ANGPTL6: variants seen among roughly 807,000 people sequenced by gnomAD.
ANGPTL6 encodes angiopoietin like 6.
A neutral mutation model predicts 47.4 loss-of-function variants in ANGPTL6; 45 were observed. The ratio of observed to expected loss-of-function variants is 0.95; its 90% CI spans 0.75 to 1.22. The LOEUF is 1.22. Among genes scored for constraint, ANGPTL6 ranks in the 50% most tolerant of loss-of-function variants. The pLI is 0.00. For missense variants in ANGPTL6, 698 were observed against 669.4 expected, an observed-to-expected ratio of 1.04 and a Z score of -0.47; for synonymous variants, 290 against 295.9, an observed-to-expected ratio of 0.98 and a Z score of 0.20.
chr19:10,093,316 CT>C (rs773782992), intron 5 of ANGPTL6, 32 bp downstream of exon 5: 20 of 1,596,400 alleles, frequency 1.3e-5, no homozygotes, highest in Admixed American at 5.1e-5. Flanking sequence ...CCCGCCTCCC[CT>C]ATCCTCTCAC....
intron 1 of ANGPTL6, among the ~76,000 whole-genome samples, chr19:10,100,123 C>A (rs1365099011): frequency 6.6e-6 from 1 of 151,452 alleles, no homozygotes; most frequent in African/African-American, 2.4e-5. Context: ...GTGGCGCATG[C>A]CTGTAATCCC....
rs369523058 is a variant in ANGPTL6 at position 10,093,692 on chromosome 19, C to T, written c.951+1G>A. 6.2e-7 allele frequency: 1 copy of T among 1,614,116 alleles called. No individual in the cohort carries two copies. The highest frequency in any genetic ancestry group is 1.3e-5 in the African/African-American group (1 of 74,954). Reference sequence around the variant, plus strand: ...CCCTGCCTCTGCCCACCTGTGCCCACCTTATAGTGCTGCCAGGTAGTGAAG... The same window carrying T: ...CCCTGCCTCTGCCCACCTGTGCCCATCTTATAGTGCTGCCAGGTAGTGAAG... On this transcript the variant is annotated splice_donor_variant, in intron 4 of 5. Coordinates refer to ENST00000253109, the MANE Select transcript of ANGPTL6 (RefSeq NM_031917.3). LOFTEE classifies it high-confidence loss of function.
At chr19:10,096,657 C>G in intron 1 of ANGPTL6, 84 bp from the exon 2 acceptor site, 1 of 1,092,654 alleles carries the variant, frequency 9.2e-7, no homozygotes, top group Non-Finnish European at 1.2e-6. Flanking sequence ...ATGCGCGCGT[C>G]TACACCCGCG....
intron 1 of ANGPTL6, 49 bp from the exon 2 acceptor site, chr19:10,096,622 G>A (rs1393310492): frequency 7.4e-7 from 1 of 1,351,236 alleles, no homozygotes; most frequent in Non-Finnish European, 9.6e-7. Context: ...GGGGCCCAGC[G>A]AGACCCCTCC....
chr19:10,104,678 A>T (rs951336184), upstream of ANGPTL6, among the ~76,000 whole-genome samples: 16 of 152,306 alleles, frequency 1.1e-4, no homozygotes, highest in Non-Finnish European at 2.2e-4. Flanking sequence ...AAAAATTTTT[A>T]AAAAGACACA....
chr19:10,105,277 C>T (rs187464295), upstream of ANGPTL6, among the ~76,000 whole-genome samples: 105 of 152,358 alleles, frequency 6.9e-4, no homozygotes, highest in Non-Finnish European at 1.2e-3. Flanking sequence ...CTCTGGCTTC[C>T]CCATTGGCAG....
chr19:10,096,058 T>C lies in ANGPTL6; in HGVS notation c.506A>G (p.Gln169Arg). The C allele has an allele frequency of 6.8e-7, 1 of 1,470,796 alleles. No homozygotes were observed. 91.1% of individuals were successfully genotyped at this position (1,470,796 alleles called of 1,614,324 possible). The change falls in exon 2 of 6, where the codon CAG becomes CGG. Residue 169 changes from glutamine to arginine, a missense_variant. Coordinates refer to ENST00000253109, the MANE Select transcript of ANGPTL6 (RefSeq NM_031917.3). ...QLDVKFRELA[Q>R]LVTQQSSLIA... ...GAGACTGCTCTGCTGGGTGACGAGC[T>C]GCGCCAGCTCGCGGAACTTGACGTC...
rs1053343270 is a variant in ANGPTL6, at chr19:10,096,569, C to T, written c.-6G>A. 6 of 1,504,502 alleles carry T rather than the reference C, an allele frequency of 4.0e-6. No homozygotes were observed. The highest frequency in any genetic ancestry group is 5.3e-6 in the Non-Finnish European group (6 of 1,133,780). 93.2% of individuals were successfully genotyped at this position (1,504,502 alleles called of 1,614,324 possible). On this transcript the variant is annotated 5_prime_UTR_variant, in exon 2 of 6. Transcript: ENST00000253109. ...CGCAGCCAGGGCTTCCCCATCGCGG[C>T]GGACCTGCAGGCAGAGGAGGAACGG... is the stretch of plus-strand genomic sequence containing the variant.
rs776870275 is a variant in ANGPTL6 at position 10,096,405 on chromosome 19, C to G, written c.159G>C (p.Thr53=). 7.6e-7 allele frequency: 1 copy of G among 1,317,820 alleles called. No individual in the cohort carries two copies. Among genetic ancestry groups the G allele is most frequent in the South Asian group, 2.1e-5 (1 of 47,988 alleles). The allele number at this position is 1,317,820 out of a possible 1,614,324, so 81.6% of individuals were successfully genotyped here. A position where few individuals can be genotyped will look rare whatever the true frequency, so the allele number is the denominator to read the frequency against. ...CWSGPASTRA[T]PEAANASELA... is the part of the protein sequence containing the mutation. ...GCTCGCTGGCGTTGGCGGCCTCGGG[C>G]GTCGCCCGCGTGGATGCGGGGCCGC... Residue 53 remains threonine (T), a synonymous_variant, in exon 2 of 6, where the codon ACG becomes ACC. Transcript: ENST00000253109.
At chr19:10,098,936 G>A (rs77938262) in intron 1 of ANGPTL6, among the ~76,000 whole-genome samples, 11,903 of 151,954 alleles carry the variant, frequency 0.078, 523 homozygotes, top group Non-Finnish European at 0.1. Context: ...CATCTTCCAC[G>A]TCCTCAGACC....
chr19:10,093,748 A>G lies in ANGPTL6; in HGVS notation c.896T>C (p.Ile299Thr), dbSNP rs770217316. ...GACTGAACCATCTTGCCTCCGCTGGATCACAGTCCAGCCTCCACCCTCCAG... is the reference window on the plus strand; with the variant it reads ...GACTGAACCATCTTGCCTCCGCTGGGTCACAGTCCAGCCTCCACCCTCCAG... The part of the protein sequence containing the change: ...QQLEGGGWTV[I>T]QRRQDGSVNF... Residue 299 changes from isoleucine to threonine, a missense_variant, in exon 4 of 6, where the codon ATC (isoleucine) becomes ACC (threonine). Transcript: ENST00000253109. The G allele has an allele frequency of 1.9e-6, 3 of 1,614,226 alleles. No homozygotes were observed. Among genetic ancestry groups the G allele is most frequent in the Non-Finnish European group, 2.5e-6 (3 of 1,180,040 alleles).
intron 2 of ANGPTL6, 68 bp downstream of exon 2, chr19:10,095,914 G>T (rs930650076): frequency 4.2e-6 from 4 of 951,218 alleles, no homozygotes; most frequent in Non-Finnish European, 5.5e-6. Context: ...CTGTGGATAA[G>T]AGATCGTGGG....
chr19:10,092,356 T>TAA lies in ANGPTL6; in HGVS notation c.*232_*233insTT. Reference sequence around the variant, plus strand: ...CACGGTCTGTGGCTACTTTGTGTTATTATAAGATATGAGCTCAAACCGAGA... The same window carrying TAA: ...CACGGTCTGTGGCTACTTTGTGTTATAATATAAGATATGAGCTCAAACCGAGA... On this transcript the variant is annotated 3_prime_UTR_variant, in exon 6 of 6. Coordinates refer to ENST00000253109, the MANE Select transcript of ANGPTL6 (RefSeq NM_031917.3). The TAA allele has an allele frequency of 6.5e-7, 1 of 1,544,366 alleles. No homozygotes were observed. Among genetic ancestry groups the TAA allele is most frequent in the African/African-American group, 1.4e-5 (1 of 72,534 alleles).
At chr19:10,106,080 T>C (rs991749509), upstream of ANGPTL6, 8 of 506,020 alleles carry the variant, frequency 1.6e-5, no homozygotes, top group Non-Finnish European at 2.8e-5. Context: ...TACTTTGGGA[T>C]ATTTTAGGAG....
chr19:10,096,377 C>T lies in ANGPTL6; in HGVS notation c.187G>A (p.Ala63Thr). 4 of 1,298,186 alleles carry T rather than the reference C, an allele frequency of 3.1e-6. No homozygotes were observed. The highest frequency in any genetic ancestry group is 3.9e-6 in the Non-Finnish European group (4 of 1,027,716). The allele number at this position is 1,298,186 out of a possible 1,614,324, so 80.4% of individuals were successfully genotyped here. A position where few individuals can be genotyped will look rare whatever the true frequency, so the allele number is the denominator to read the frequency against. ...CGGCCGACGCGCATGCGCAGCGCCG[C>T]CAGCTCGCTGGCGTTGGCGGCCTCG... The part of the protein sequence containing the change: ...TPEAANASEL[A>T]ALRMRVGRHE... The change falls in exon 2 of 6, where the codon GCG becomes ACG. Residue 63 changes from alanine to threonine, a missense_variant. Coordinates refer to ENST00000253109, the MANE Select transcript of ANGPTL6 (RefSeq NM_031917.3).
Position 10,092,699 on chromosome 19 carries a change from C to T in ANGPTL6, c.1303G>A (p.Gly435Ser), listed in dbSNP as rs150235799. 6.6e-4 allele frequency: 1,058 copies of T among 1,614,026 alleles called. 25 individuals are homozygous for T. The East Asian group carries it at 0.023, about 35-fold the overall frequency. ...TGGTAGCGGCTTCGGTAGTGGCCGC[C>T]GTGGTGCCACACACCGTTGAGGTTG... is the stretch of plus-strand genomic sequence containing the variant. The part of the protein sequence containing the change: ...HSNLNGVWHH[G>S]GHYRSRYQDG... The change falls in exon 6 of 6, where the codon GGC becomes AGC. Residue 435 changes from glycine to serine, a missense_variant. Physicochemically the swap from Gly to Ser is moderately conservative, Grantham distance 56. Coordinates refer to ENST00000253109, the MANE Select transcript of ANGPTL6 (RefSeq NM_031917.3).
intron 5 of ANGPTL6, chr19:10,092,994 A>C: frequency 2.0e-6 from 1 of 498,022 alleles, no homozygotes; most frequent in Non-Finnish European, 3.5e-6. Flanking sequence ...CTCCTTACCA[A>C]AGTACAAGTC....
intron 1 of ANGPTL6, 156 bp downstream of exon 1, chr19:10,102,412 A>T: frequency 3.8e-5 from 7 of 185,382 alleles, no homozygotes; most frequent in Non-Finnish European, 6.0e-5. Context: ...ACAGAGATTG[A>T]GCAACCCCCC....
upstream of ANGPTL6, among the ~76,000 whole-genome samples, chr19:10,104,104 A>C (rs1599298077): frequency 6.6e-6 from 1 of 150,976 alleles, no homozygotes; most frequent in African/African-American, 2.4e-5. Context: ...AAAAAAAAGA[A>C]AAGAAATAAA....
Sources: allele counts gnomAD v4.1 joint callset (sites outside exome capture counted in the v4.1 genomes callset), GRCh38; gene constraint gnomAD v4.1.1; transcripts MANE v1.5; gene names NCBI Gene and HGNC (gene_info 2026-07-23, HGNC 2026-07-21).